Variants in HBS1L observed in about 807,000 individuals in gnomAD.
HBS1L encodes the protein HBS1 like translational GTPase, also known as HBS1-like protein.
A neutral mutation model predicts 88.9 loss-of-function variants in HBS1L; 55 were observed. That is an observed-to-expected ratio of 0.62 (90% CI 0.50 to 0.77). The LOEUF (loss-of-function observed/expected upper bound fraction) is 0.77. Among genes scored for constraint, HBS1L ranks in the 30% least tolerant of loss-of-function variants. The probability of loss-of-function intolerance (pLI) is 0.00; values close to 1 mark genes in which losing one functional copy is unlikely to be tolerated. For synonymous variants in HBS1L, 267 were observed against 288.5 expected, an observed-to-expected ratio of 0.93 and a Z score of 0.76; for missense variants, 741 against 829.3, an observed-to-expected ratio of 0.89 and a Z score of 1.31.
At chr6:135,037,876 G>A (rs1211215660) in intron 4 of HBS1L, 2 of 1,550,638 alleles carry the variant, frequency 1.3e-6, no homozygotes, top group African/African-American at 1.4e-5. Flanking sequence ...TAAACAGTGA[G>A]TTGGAACTGA....
intron 4 of HBS1L, among the ~76,000 whole-genome samples, chr6:135,029,177 T>C (rs1583135652): frequency 1.3e-5 from 2 of 152,114 alleles, no homozygotes; most frequent in East Asian, 3.8e-4. Context: ...AAAATTATCT[T>C]GTAGTGGAGC....
intron 4 of HBS1L, among the ~76,000 whole-genome samples, chr6:135,013,197 T>C (rs1775821007): frequency 6.6e-6 from 1 of 152,214 alleles, no homozygotes. Context: ...CTAACAAAGA[T>C]GTTAGGAGAA....
At chr6:134,968,832 A>C (rs990358195) in intron 16 of HBS1L, among the ~76,000 whole-genome samples, 2 of 152,116 alleles carry the variant, frequency 1.3e-5, no homozygotes, top group Non-Finnish European at 2.9e-5. Context: ...TTCTTAGCTT[A>C]GCATAGGGAA....
At chr6:134,993,715 T>C in intron 8 of HBS1L, 43 bp downstream of exon 8, 1 of 827,416 alleles carries the variant, frequency 1.2e-6, no homozygotes, top group Non-Finnish European at 1.8e-6. Flanking sequence ...AAATTTTATG[T>C]AAAGTACAAT....
Position 135,039,567 on chromosome 6 carries a change from G to C in HBS1L, c.430+6C>G, listed in dbSNP as rs776501677. 3 of 1,610,368 alleles carry C rather than the reference G, an allele frequency of 1.9e-6. No homozygotes were observed. Among genetic ancestry groups the C allele is most frequent in the Non-Finnish European group, 2.5e-6 (3 of 1,177,470 alleles). Reference sequence around the variant, plus strand: ...AACAAGTGAAAAAGAACAAGTAAAGGCATACCTTTTGCTATCTTTCCTGTA... The same window carrying C: ...AACAAGTGAAAAAGAACAAGTAAAGCCATACCTTTTGCTATCTTTCCTGTA... On this transcript the variant is annotated splice_donor_region_variant and intron_variant, in intron 4 of 17. Coordinates refer to ENST00000367837, the MANE Select transcript of HBS1L (RefSeq NM_006620.4).
chr6:135,042,884 G>A (rs1481668608), intron 2 of HBS1L, among the ~76,000 whole-genome samples: 3 of 150,800 alleles, frequency 2.0e-5, no homozygotes, highest in African/African-American at 7.3e-5. Context: ...GAATCTAAGA[G>A]TTCACGGAAA....
intron 4 of HBS1L, 87 bp from the exon 5 acceptor site, chr6:135,002,929 A>G (rs1185338761): frequency 2.6e-6 from 2 of 760,392 alleles, no homozygotes; most frequent in Non-Finnish European, 4.3e-6. Context: ...ATTATAGATT[A>G]TGATAACTTT....
intron 4 of HBS1L, chr6:135,037,969 T>C: frequency 1.3e-6 from 2 of 1,542,148 alleles, no homozygotes; most frequent in East Asian, 4.9e-5. Flanking sequence ...ATTTGCTGAC[T>C]GAGGATAAGA....
rs566377562 is a variant in HBS1L, at chr6:134,982,438, A to G, written c.1597+20T>C. Reference sequence around the variant, plus strand: ...CTCAACTTAAGGCTTGTTTAGCAAAAGCATCTTGCAGATAAATACCTTTCA... The same window carrying G: ...CTCAACTTAAGGCTTGTTTAGCAAAGGCATCTTGCAGATAAATACCTTTCA... On this transcript the variant is annotated intron_variant, in intron 13 of 17. Transcript: ENST00000367837. 6.8e-7 allele frequency: 1 copy of G among 1,475,682 alleles called. No individual in the cohort carries two copies. Among genetic ancestry groups the G allele is most frequent in the South Asian group, 1.1e-5 (1 of 87,050 alleles). 91.4% of individuals were successfully genotyped at this position (1,475,682 alleles called of 1,614,324 possible).
chr6:134,989,058 C>T (rs1270351596), intron 8 of HBS1L, among the ~76,000 whole-genome samples: 1 of 152,218 alleles, frequency 6.6e-6, no homozygotes, highest in Non-Finnish European at 1.5e-5. Flanking sequence ...AAGCTAACCT[C>T]AGCTTAGCTC....
chr6:134,991,498 A>G (rs577412308), intron 8 of HBS1L, among the ~76,000 whole-genome samples: 37 of 152,330 alleles, frequency 2.4e-4, no homozygotes, highest in Middle Eastern at 6.8e-3. Context: ...ATACTAATTT[A>G]AAATGGTGAT....
chr6:135,054,618 A>G (rs375837406), intron 1 of HBS1L, 31 bp downstream of exon 1: 2 of 1,612,720 alleles, frequency 1.2e-6, no homozygotes, highest in African/African-American at 2.7e-5. Flanking sequence ...TAGCCGGGAA[A>G]AGAACGTCCC....
chr6:135,036,134 T>A lies in HBS1L; in HGVS notation c.430+3439A>T, dbSNP rs910967187. ...CATATTTTAAAATATAACATCTCAG[T>A]TATGCTGTGCCACATAAGAATAATC... is the stretch of plus-strand genomic sequence containing the variant. On this transcript the variant is annotated intron_variant, in intron 4 of 17. Transcript: ENST00000367837. The A allele has an allele frequency of 8.8e-6, 6 of 684,218 alleles. No homozygotes were observed. In the African/African-American group the frequency reaches 1.2e-4, roughly 13 times the overall value. 42.4% of individuals were successfully genotyped at this position (684,218 alleles called of 1,614,324 possible).
intron 8 of HBS1L, among the ~76,000 whole-genome samples, chr6:134,988,792 C>T (rs908027170): frequency 6.6e-5 from 10 of 152,146 alleles, no homozygotes; most frequent in Non-Finnish European, 1.5e-4. Flanking sequence ...ACATATTTTA[C>T]TTCCCATCAA....
In HBS1L at chr6:134,966,352, T is replaced by C. The variant is rs1022481777; in HGVS notation, c.2020A>G (p.Ile674Val). Reference protein sequence around the residue: ...RFMLRYGGSTIAAGVVTEIKE With the variant: ...RFMLRYGGSTVAAGVVTEIKE ...ACCTCAGTGACAACACCAGCAGCTA[T>C]TGTAGAACCACCGTAACGTAGCATG... The change falls in exon 17 of 18, where the codon ATA becomes GTA. Residue 674 changes from isoleucine to valine, a missense_variant. Physicochemically the swap from Ile to Val is conservative, Grantham distance 29. Coordinates refer to ENST00000367837, the MANE Select transcript of HBS1L (RefSeq NM_006620.4). 1.9e-6 allele frequency: 3 copies of C among 1,612,408 alleles called. No homozygotes were observed. The highest frequency in any genetic ancestry group is 1.3e-5 in the African/African-American group (1 of 74,884).
chr6:135,000,459 T>G (rs1480432244), intron 5 of HBS1L, among the ~76,000 whole-genome samples: 2 of 149,492 alleles, frequency 1.3e-5, no homozygotes, highest in Non-Finnish European at 2.9e-5. Context: ...TTAATCTTTC[T>G]TCTGGAGTTA....
At chr6:135,023,988 A>G (rs548715091) in intron 4 of HBS1L, among the ~76,000 whole-genome samples, 36 of 151,902 alleles carry the variant, frequency 2.4e-4, no homozygotes, top group African/African-American at 8.7e-4. Flanking sequence ...CAATGAAATA[A>G]AATTAATCCA....
chr6:135,054,715 C>T lies in HBS1L; in HGVS notation c.-24G>A, dbSNP rs377516735. Reference sequence around the variant, plus strand: ...ATGACGGCGGAGAGGGCGTTTGCCACAGCCCCTTAACTCCTTCCAAAACAC... The same window carrying T: ...ATGACGGCGGAGAGGGCGTTTGCCATAGCCCCTTAACTCCTTCCAAAACAC... On this transcript the variant is annotated 5_prime_UTR_variant, in exon 1 of 18. In the 5' UTR this introduces an upstream ATG that the reference lacks. Coordinates refer to ENST00000367837, the MANE Select transcript of HBS1L (RefSeq NM_006620.4). 7.4e-6 allele frequency: 12 copies of T among 1,613,996 alleles called. No homozygotes were observed. The African/African-American group carries it at 1.3e-4, about 18-fold the overall frequency.
At chr6:135,006,162 T>C (rs565869492) in intron 4 of HBS1L, among the ~76,000 whole-genome samples, 26 of 152,280 alleles carry the variant, frequency 1.7e-4, no homozygotes, top group African/African-American at 6.3e-4. Context: ...GAAGAAAGTA[T>C]ATGGCATTGA....
Sources: allele counts gnomAD v4.1 joint callset (sites outside exome capture counted in the v4.1 genomes callset), GRCh38; gene constraint gnomAD v4.1.1; transcripts MANE v1.5; gene names NCBI Gene and HGNC (gene_info 2026-07-23, HGNC 2026-07-21).